The following RET variants were observed in gnomAD, a reference collection of about 807,000 sequenced individuals.
RET encodes the protein proto-oncogene tyrosine-protein kinase receptor Ret.
RET carries 19 observed loss-of-function variants against 118.3 expected under a neutral mutation model. That is an observed-to-expected ratio of 0.16 (90% CI 0.11 to 0.24). The LOEUF (loss-of-function observed/expected upper bound fraction) is 0.24, where lower values mean the gene tolerates loss of function less well. RET is among the 10% of genes least tolerant of loss of function. The pLI, the probability that RET is intolerant of heterozygous loss-of-function variation, is 1.00. For missense variants in RET, 1,219 were observed against 1,502.1 expected (o/e 0.81, Z 3.12); for synonymous variants, 597 against 644.1 (o/e 0.93, Z 1.11).
chr10:43,123,847 A>C, intron 17 of RET, 39 bp downstream of exon 17: 1 of 1,613,212 alleles, frequency 6.2e-7, no homozygotes, highest in South Asian at 1.1e-5. Context: ...TCACTTGGGA[A>C]GGGAGGGGAC....
intron 1 of RET, among the ~76,000 whole-genome samples, chr10:43,094,509 G>A (rs1324582991): frequency 6.6e-6 from 1 of 152,168 alleles, no homozygotes; most frequent in African/African-American, 2.4e-5. Flanking sequence ...CCATCCTAGG[G>A]AAGTTTTTCA....
intron 1 of RET, among the ~76,000 whole-genome samples, chr10:43,091,077 ATTTAGCTGTGTACACATCT>A (rs911926444): frequency 1.3e-5 from 2 of 152,000 alleles, no homozygotes; most frequent in Non-Finnish European, 2.9e-5. Flanking sequence ...CTAGCTGAAG[ATTTAGCTGTGTACACATCT>A]TTAAAACTGG....
At chr10:43,091,091 A>G (rs1158294781) in intron 1 of RET, among the ~76,000 whole-genome samples, 2 of 152,004 alleles carry the variant, frequency 1.3e-5, no homozygotes, top group Admixed American at 1.3e-4. Flanking sequence ...AGCTGTGTAC[A>G]CATCTTTAAA....
intron 9 of RET, among the ~76,000 whole-genome samples, chr10:43,113,243 AG>A (rs1201743317): frequency 6.6e-6 from 1 of 152,222 alleles, no homozygotes; most frequent in African/African-American, 2.4e-5. Flanking sequence ...GGACACTGAC[AG>A]GGAAAGTGCG....
rs768878280 is a variant in RET at position 43,109,025 on chromosome 10, C to A, written c.1064-6C>A. The A allele has an allele frequency of 6.2e-7, 1 of 1,611,888 alleles. No homozygotes were observed. Among genetic ancestry groups the A allele is most frequent in the African/African-American group, 1.3e-5 (1 of 75,042 alleles). Reference sequence around the variant, plus strand: ...TTGGTGGTCATTGTTGTGCCCCTACCTGCAGGGCTGGTTCTCAACCGGAAC... The same window carrying A: ...TTGGTGGTCATTGTTGTGCCCCTACATGCAGGGCTGGTTCTCAACCGGAAC... On this transcript the variant is annotated splice_polypyrimidine_tract_variant and splice_region_variant and intron_variant, in intron 5 of 19. Coordinates refer to ENST00000355710, the MANE Select transcript of RET (RefSeq NM_020975.6).
chr10:43,102,255 C>A (rs1837655687), intron 2 of RET, 87 bp from the exon 3 acceptor site: 1 of 1,541,424 alleles, frequency 6.5e-7, no homozygotes, highest in Admixed American at 1.7e-5. Flanking sequence ...AGGGTTTACA[C>A]CAGCCCTGGA....
At chr10:43,112,299 C>A in intron 8 of RET, 75 bp downstream of exon 8, 1 of 1,451,660 alleles carries the variant, frequency 6.9e-7, no homozygotes, top group Non-Finnish European at 9.1e-7. Context: ...GGGGCCCTGC[C>A]AGCCTGGGGT....
chr10:43,127,211 C>G (rs1838355067), intron 19 of RET: 1 of 1,084,408 alleles, frequency 9.2e-7, no homozygotes, highest in African/African-American at 1.6e-5. Context: ...CCACCCGGCA[C>G]TGGCGAGCAG....
In RET at chr10:43,113,672, C is replaced by A. The variant is rs1255575160; in HGVS notation, c.1876C>A (p.Gln626Lys). Residue 626 changes from glutamine (Q) to lysine (K), a missense_variant, in exon 10 of 20, where the codon CAG becomes AAG. Around this residue, in one of 5 missense-constraint regions of RET, gnomAD observed 850 missense variants for 969.6 expected, o/e 0.88. Transcript: ENST00000355710. ...GTGCTTCTGCGAGCCCGAAGACATCCAGGGTGAGTGGGTGGCGGCCGGGAC... is the reference window on the plus strand; with the variant it reads ...GTGCTTCTGCGAGCCCGAAGACATCAAGGGTGAGTGGGTGGCGGCCGGGAC... ...EKCFCEPEDI[Q>K]DPLCDELCRT... is the part of the protein sequence containing the mutation. The A allele has an allele frequency of 1.9e-6, 3 of 1,613,196 alleles. No homozygotes were observed. Among genetic ancestry groups the A allele is most frequent in the Non-Finnish European group, 2.5e-6 (3 of 1,179,852 alleles).
intron 13 of RET, among the ~76,000 whole-genome samples, chr10:43,119,290 C>T (rs1838146443): frequency 6.6e-6 from 1 of 152,190 alleles, no homozygotes; most frequent in Non-Finnish European, 1.5e-5. Flanking sequence ...TCAGGCACCT[C>T]GAGAAGGAGG....
chr10:43,124,344 C>A (rs559920575), intron 17 of RET, among the ~76,000 whole-genome samples: 1 of 152,076 alleles, frequency 6.6e-6, no homozygotes, highest in Admixed American at 6.5e-5. Context: ...CATGCTGGGC[C>A]GAGAAGCCAG....
In RET at chr10:43,126,699, C is replaced by T. The variant is rs1838340129; in HGVS notation, c.3164C>T (p.Thr1055Ile). ...CCCCTCCCTCGAGCCCTCCCTTCCA[C>T]ATGGATTGAAAACAAACTCTATGGT... The part of the protein sequence containing the change: ...NAPLPRALPS[T>I]WIENKLYGMS... Residue 1055 changes from threonine to isoleucine, a missense_variant, in exon 19 of 20, where the codon ACA (threonine) becomes ATA (isoleucine). Transcript: ENST00000355710. 5.6e-6 allele frequency: 9 copies of T among 1,614,062 alleles called. No homozygotes were observed. Among genetic ancestry groups the T allele is most frequent in the Non-Finnish European group, 7.6e-6 (9 of 1,180,010 alleles).
At chr10:43,082,972 T>C (rs927178218) in intron 1 of RET, among the ~76,000 whole-genome samples, 2 of 152,186 alleles carry the variant, frequency 1.3e-5, no homozygotes, top group Non-Finnish European at 1.5e-5. Context: ...GTTGCTGGGC[T>C]AGGGGCCAGG....
rs1838407574 is a variant in RET, at chr10:43,129,710, A to G, written c.*1441A>G. The G allele has an allele frequency of 5.5e-6, 2 of 365,200 alleles. No individual in the cohort carries two copies. The highest frequency in any genetic ancestry group is 9.7e-6 in the Non-Finnish European group (2 of 205,422). 22.6% of individuals were successfully genotyped at this position (365,200 alleles called of 1,614,324 possible). A position where few individuals can be genotyped will look rare whatever the true frequency, so the allele number is the denominator to read the frequency against. On this transcript the variant is annotated 3_prime_UTR_variant, in exon 20 of 20. Coordinates refer to ENST00000355710, the MANE Select transcript of RET (RefSeq NM_020975.6). ...ATACTGTATTTTATATAGGCATTTC[A>G]CAAAAACAGCAAAATTGTGGCATTT... is the stretch of plus-strand genomic sequence containing the variant.
At chr10:43,082,888 G>T (rs1175035545) in intron 1 of RET, among the ~76,000 whole-genome samples, 1 of 152,256 alleles carries the variant, frequency 6.6e-6, no homozygotes, top group Non-Finnish European at 1.5e-5. Flanking sequence ...GTGCAGTTCT[G>T]GAGGGAGGGA....
At chr10:43,090,551 ACT>A (rs1455982349) in intron 1 of RET, among the ~76,000 whole-genome samples, 1 of 151,706 alleles carries the variant, frequency 6.6e-6, no homozygotes, top group African/African-American at 2.4e-5. Flanking sequence ...CAACCAGGTG[ACT>A]CTCAAGCCAG....
chr10:43,079,986 A>T (rs1310677126), intron 1 of RET, among the ~76,000 whole-genome samples: 1 of 152,086 alleles, frequency 6.6e-6, no homozygotes, highest in Non-Finnish European at 1.5e-5. Context: ...TGCAGCCCTC[A>T]CTGGTGGGCT....
chr10:43,097,926 A>T (rs1022298189), intron 1 of RET, among the ~76,000 whole-genome samples: 5 of 151,944 alleles, frequency 3.3e-5, no homozygotes, highest in Non-Finnish European at 5.9e-5. Flanking sequence ...AAAAAGAGAG[A>T]TCGATTACAT....
At chr10:43,126,943 C>T in intron 19 of RET, 1 of 1,425,884 alleles carries the variant, frequency 7.0e-7, no homozygotes, top group Non-Finnish European at 9.1e-7. Flanking sequence ...GTAATTACCA[C>T]ATTGCCCAGC....
Sources: gnomAD v4.1 joint callset for allele counts (sites outside exome capture counted in the v4.1 genomes callset) on GRCh38, gnomAD v4.1.1 for gene constraint, gnomAD v4.1.1 regional missense constraint, MANE v1.5 for transcripts, NCBI Gene and HGNC (gene_info 2026-07-23, HGNC 2026-07-21) for gene names.